MAP2K6: variants seen among roughly 807,000 people sequenced by gnomAD.
The protein encoded by MAP2K6 is dual specificity mitogen-activated protein kinase kinase 6.
A neutral mutation model predicts 53.7 loss-of-function variants in MAP2K6; 16 were observed. The observed-to-expected ratio is 0.30, with a 90% CI of 0.20 to 0.45. MAP2K6 has a LOEUF of 0.45. Among genes scored for constraint, MAP2K6 ranks in the 20% least tolerant of loss-of-function variants. The pLI, the probability that MAP2K6 is intolerant of heterozygous loss-of-function variation, is 1.00. For missense variants in MAP2K6, 204 were observed against 411.9 expected, an observed-to-expected ratio of 0.50 and a Z score of 4.37; for synonymous variants, 132 against 143.1, an observed-to-expected ratio of 0.92 and a Z score of 0.55.
intron 1 of MAP2K6, among the ~76,000 whole-genome samples, chr17:69,458,690 C>T (rs1907510084): frequency 6.6e-6 from 1 of 152,196 alleles, no homozygotes; most frequent in Admixed American, 6.5e-5. Context: ...TATTGAAATA[C>T]TCTTACCTTG....
At chr17:69,438,731 C>T (rs868117657) in intron 1 of MAP2K6, among the ~76,000 whole-genome samples, 22 of 152,156 alleles carry the variant, frequency 1.4e-4, no homozygotes, top group South Asian at 6.2e-4. Context: ...AGGTGCACCA[C>T]CACACTGGAC....
chr17:69,430,182 G>A lies in MAP2K6; in HGVS notation c.16+15182G>A, dbSNP rs527391956. Among the ~76,000 whole-genome samples, 3 of 152,024 alleles carry A rather than the reference G, an allele frequency of 2.0e-5. No homozygotes were observed. In the South Asian group the frequency reaches 6.2e-4, roughly 32 times the overall value. On this transcript the variant is annotated intron_variant, in intron 1 of 11. Coordinates refer to ENST00000590474, the MANE Select transcript of MAP2K6 (RefSeq NM_002758.4). ...TCTCTACTACAAACATATTAAAAAA[G>A]TAAATTAGCCAGGCGTGGTGGCACA... is the stretch of plus-strand genomic sequence containing the variant.
chr17:69,517,058 GA>G (rs1910188182), intron 3 of MAP2K6, among the ~76,000 whole-genome samples, 155 bp downstream of exon 3: 1 of 152,050 alleles, frequency 6.6e-6, no homozygotes, highest in Non-Finnish European at 1.5e-5. Flanking sequence ...TTGCTATTTT[GA>G]AAGAATGTTG....
In MAP2K6 at chr17:69,541,262, C is replaced by CAAAAAAAAAAAAAAA. The variant is rs1213995695; in HGVS notation, c.928-409_928-408insAAAAAAAAAAAAAAA. ...TGGGCAACAGAGCGAGACTCCATCT[C>CAAAAAAAAAAAAAAA]AAAAAGAAAAAAGTACATACACCTA... On this transcript the variant is annotated intron_variant, in intron 11 of 11. Transcript: ENST00000590474. 1.0e-3 allele frequency among the ~76,000 whole-genome samples: 152 copies of CAAAAAAAAAAAAAAA among 151,758 alleles called. No homozygotes were observed. The Middle Eastern group carries it at 0.033, about 33-fold the overall frequency.
chr17:69,423,471 G>GT (rs1906162989), intron 1 of MAP2K6, among the ~76,000 whole-genome samples: 1 of 152,156 alleles, frequency 6.6e-6, no homozygotes, highest in African/African-American at 2.4e-5. Context: ...GAAAATGTTT[G>GT]TTGACCCTTT....
At chr17:69,533,481 T>C (rs1009358322) in intron 10 of MAP2K6, among the ~76,000 whole-genome samples, 1 of 152,194 alleles carries the variant, frequency 6.6e-6, no homozygotes, top group Admixed American at 6.5e-5. Context: ...CTTGGTTCTG[T>C]TGTTGACCAA....
At chr17:69,505,667 T>TG (rs1567844329) in intron 1 of MAP2K6, 113 bp from the exon 2 acceptor site, 1 of 818,842 alleles carries the variant, frequency 1.2e-6, no homozygotes, top group Non-Finnish European at 2.1e-6. Flanking sequence ...GCGCTTTGAA[T>TG]GGAGACATGA....
At chr17:69,436,795 C>G (rs1465219361) in intron 1 of MAP2K6, among the ~76,000 whole-genome samples, 1 of 151,862 alleles carries the variant, frequency 6.6e-6, no homozygotes, top group African/African-American at 2.4e-5. Flanking sequence ...TTCTCTCTCT[C>G]TTTCTTCTTT....
intron 1 of MAP2K6, among the ~76,000 whole-genome samples, chr17:69,416,008 C>T (rs1357582356): frequency 6.6e-6 from 1 of 152,062 alleles, no homozygotes; most frequent in Non-Finnish European, 1.5e-5. Context: ...TGTCAGGTGC[C>T]CCTGGGACCC....
chr17:69,524,087 T>C (rs1910635585), intron 8 of MAP2K6, among the ~76,000 whole-genome samples: 2 of 152,244 alleles, frequency 1.3e-5, no homozygotes, highest in Admixed American at 1.3e-4. Flanking sequence ...TCCACTTTCA[T>C]GATTCAATCA....
chr17:69,498,819 C>T (rs74364856), intron 1 of MAP2K6, among the ~76,000 whole-genome samples: 1 of 152,226 alleles, frequency 6.6e-6, no homozygotes, highest in Non-Finnish European at 1.5e-5. Flanking sequence ...GAGGTCACAG[C>T]GTGACTGAGA....
chr17:69,525,576 A>G (rs2521357), intron 9 of MAP2K6, among the ~76,000 whole-genome samples: 89,915 of 152,018 alleles, frequency 0.59, 26,794 homozygotes, highest in Middle Eastern at 0.71. Context: ...TCATGGCGGA[A>G]GGTGAAAGGC....
intron 1 of MAP2K6, among the ~76,000 whole-genome samples, chr17:69,466,405 AAAG>A (rs1283877152): frequency 6.6e-6 from 1 of 152,182 alleles, no homozygotes; most frequent in Non-Finnish European, 1.5e-5. Flanking sequence ...ATTGTAAATT[AAAG>A]AAGTCAAAAA....
chr17:69,471,729 T>C (rs759717175), intron 1 of MAP2K6, among the ~76,000 whole-genome samples: 8 of 152,218 alleles, frequency 5.3e-5, no homozygotes, highest in Non-Finnish European at 1.0e-4. Flanking sequence ...AAAAATTCCA[T>C]AAATAATTCA....
intron 1 of MAP2K6, among the ~76,000 whole-genome samples, chr17:69,493,044 A>T (rs1194484866): frequency 1.3e-5 from 2 of 152,186 alleles, no homozygotes; most frequent in East Asian, 3.9e-4. Flanking sequence ...TCAAATGAAG[A>T]TGTCTACATG....
chr17:69,527,149 A>C (rs1055216825), intron 10 of MAP2K6, among the ~76,000 whole-genome samples: 1 of 152,224 alleles, frequency 6.6e-6, no homozygotes. Context: ...TGTGAGCTTT[A>C]AGCAATTTGA....
rs549420746 is a variant in MAP2K6 at position 69,481,493 on chromosome 17, G to A, written c.17-24287G>A. On this transcript the variant is annotated intron_variant, in intron 1 of 11. Transcript: ENST00000590474. ...GTGTACAGATATCTCCTTGAGACCC[G>A]TGTGTTAGTTTGCTAGGGCTGTCAT... 6.5e-4 allele frequency among the ~76,000 whole-genome samples: 99 copies of A among 152,230 alleles called. No individual in the cohort carries two copies. In the South Asian group the frequency reaches 6.6e-3, roughly 10 times the overall value.
chr17:69,475,293 C>G (rs1333559183), intron 1 of MAP2K6, among the ~76,000 whole-genome samples: 1 of 151,650 alleles, frequency 6.6e-6, no homozygotes, highest in African/African-American at 2.4e-5. Flanking sequence ...CTCAGCCTCC[C>G]AAGTAGCTGG....
intron 1 of MAP2K6, among the ~76,000 whole-genome samples, chr17:69,449,489 C>CCTTT (rs145557739): frequency 0.015 from 1,780 of 121,168 alleles, 47 homozygotes; most frequent in African/African-American, 0.05. Context: ...TGTTGGTTGT[C>CCTTT]CTTTCTTTCT....
Sources: allele counts gnomAD v4.1 joint callset (sites outside exome capture counted in the v4.1 genomes callset), GRCh38; gene constraint gnomAD v4.1.1; transcripts MANE v1.5; gene names NCBI Gene and HGNC (gene_info 2026-07-23, HGNC 2026-07-21).